USH2A: variants seen among roughly 807,000 people sequenced by gnomAD.
USH2A encodes Usher syndrome 2A (autosomal recessive, mild).
Under a neutral mutation model 538.9 loss-of-function variants are expected in USH2A, and 443 were observed. The observed-to-expected ratio is 0.82, with a 90% CI of 0.76 to 0.89. The LOEUF is 0.89. Ranked by LOEUF, USH2A falls within the 40% of genes least tolerant of loss-of-function variation. The pLI is 0.00. For missense variants in USH2A, 6,633 were observed against 6,324.8 expected, an observed-to-expected ratio of 1.05 and a Z score of -1.65; for synonymous variants, 2,413 against 2,273.5, an observed-to-expected ratio of 1.06 and a Z score of -1.75.
At chr1:216,189,806 G>A (rs2034679081) in intron 20 of USH2A, among the ~76,000 whole-genome samples, 1 of 151,902 alleles carries the variant, frequency 6.6e-6, no homozygotes, top group Admixed American at 6.6e-5. Flanking sequence ...GTATCCTAAC[G>A]TCCTCATAAG....
Position 215,799,120 on chromosome 1 carries a change from C to T in USH2A, c.9745G>A (p.Val3249Ile). ...GYYARILPGE[V>I]CCPDEQHNRV... ...TTGTGCTGTTCATCTGGACAGCATA[C>T]TTCACCTGTCAATTTAGGACAATAA... Residue 3249 changes from valine (V) to isoleucine (I), a missense_variant, in exon 50 of 72, where the codon GTA becomes ATA. By Grantham distance (29) the Val-to-Ile change is conservative. Transcript: ENST00000307340. The T allele has an allele frequency of 6.2e-7, 1 of 1,613,480 alleles. No homozygotes were observed. The highest frequency in any genetic ancestry group is 8.5e-7 in the Non-Finnish European group (1 of 1,179,736).
At chr1:215,630,910 T>A (rs1475528946) in intron 70 of USH2A, among the ~76,000 whole-genome samples, 2 of 151,472 alleles carry the variant, frequency 1.3e-5, no homozygotes, top group Non-Finnish European at 2.9e-5. Flanking sequence ...GATTAGTGTC[T>A]AAGGTAAGTA....
intron 49 of USH2A, among the ~76,000 whole-genome samples, chr1:215,803,708 C>G (rs1662407563): frequency 6.6e-6 from 1 of 152,080 alleles, no homozygotes; most frequent in South Asian, 2.1e-4. Flanking sequence ...GCCATACCGC[C>G]CAAGGTAATT....
intron 32 of USH2A, among the ~76,000 whole-genome samples, chr1:216,023,038 G>A (rs1668876094): frequency 6.6e-6 from 1 of 152,138 alleles, no homozygotes; most frequent in Non-Finnish European, 1.5e-5. Context: ...AATGCATGAG[G>A]ATTAGTTTGC....
intron 43 of USH2A, among the ~76,000 whole-genome samples, chr1:215,875,922 T>TAAA: frequency 6.9e-6 from 1 of 145,428 alleles, no homozygotes; most frequent in South Asian, 2.1e-4. Flanking sequence ...ATATAATATA[T>TAAA]ATTGATTATT....
chr1:215,718,399 G>T (rs1280797698), intron 61 of USH2A, among the ~76,000 whole-genome samples: 1 of 152,130 alleles, frequency 6.6e-6, no homozygotes, highest in Non-Finnish European at 1.5e-5. Context: ...GCTCACAATT[G>T]TTTGGCCCAA....
At chr1:216,157,307 T>C (rs1322009845) in intron 21 of USH2A, among the ~76,000 whole-genome samples, 1 of 152,138 alleles carries the variant, frequency 6.6e-6, no homozygotes, top group Non-Finnish European at 1.5e-5. Context: ...TGTTTATTAT[T>C]AAAAAGTCAA....
intron 32 of USH2A, among the ~76,000 whole-genome samples, chr1:216,031,215 A>T (rs926843594): frequency 6.6e-6 from 1 of 152,050 alleles, no homozygotes; most frequent in Non-Finnish European, 1.5e-5. Flanking sequence ...CAAAGACCCT[A>T]AAGCTTATCC....
chr1:215,735,771 A>G (rs1660139579), intron 60 of USH2A, among the ~76,000 whole-genome samples: 1 of 152,208 alleles, frequency 6.6e-6, no homozygotes, highest in African/African-American at 2.4e-5. Context: ...CTGTTATGCA[A>G]GCTGCTACTT....
At chr1:216,359,678 C>T (rs921268171) in intron 4 of USH2A, among the ~76,000 whole-genome samples, 3 of 151,962 alleles carry the variant, frequency 2.0e-5, no homozygotes, top group Non-Finnish European at 2.9e-5. Flanking sequence ...ATGGCATGTC[C>T]ATTATATACA....
At chr1:216,172,218 A>G (rs1266633076) in intron 21 of USH2A, among the ~76,000 whole-genome samples, 2 of 152,096 alleles carry the variant, frequency 1.3e-5, no homozygotes, top group East Asian at 3.9e-4. Flanking sequence ...TACAATAATG[A>G]GATATTTCTT....
intron 37 of USH2A, among the ~76,000 whole-genome samples, chr1:215,950,202 A>C (rs1459546517): frequency 6.6e-6 from 1 of 152,204 alleles, no homozygotes; most frequent in African/African-American, 2.4e-5. Flanking sequence ...ATGTGTTAAC[A>C]ATAAATATTC....
At chr1:216,413,098 T>C (rs530505963) in intron 3 of USH2A, among the ~76,000 whole-genome samples, 2 of 152,182 alleles carry the variant, frequency 1.3e-5, no homozygotes, top group East Asian at 3.9e-4. Flanking sequence ...AACCCAAAAC[T>C]ATTCAACTAA....
Position 215,989,787 on chromosome 1 carries a change from A to T in USH2A, c.6805+3233T>A, listed in dbSNP as rs75852663. On this transcript the variant is annotated intron_variant, in intron 35 of 71. Coordinates refer to ENST00000307340, the MANE Select transcript of USH2A (RefSeq NM_206933.4). ...AAGAGCAAGCAGAGAGATGGAGACCATGAGGAGAAATCAACTTGGATATGC... is the reference window on the plus strand; with the variant it reads ...AAGAGCAAGCAGAGAGATGGAGACCTTGAGGAGAAATCAACTTGGATATGC... Among the ~76,000 whole-genome samples, 519 of 152,122 alleles carry T rather than the reference A, an allele frequency of 3.4e-3. 3 individuals are homozygous for T. Among genetic ancestry groups the T allele is most frequent in the African/African-American group, 0.012 (483 of 41,514 alleles).
intron 11 of USH2A, among the ~76,000 whole-genome samples, chr1:216,251,982 C>A (rs1355537730): frequency 6.6e-6 from 1 of 152,094 alleles, no homozygotes; most frequent in Admixed American, 6.5e-5. Context: ...ATTTATGATT[C>A]ATTTCACCAC....
At chr1:216,151,054 C>T (rs893720857) in intron 21 of USH2A, among the ~76,000 whole-genome samples, 1 of 152,146 alleles carries the variant, frequency 6.6e-6, no homozygotes, top group Non-Finnish European at 1.5e-5. Flanking sequence ...TCCTCCCAGG[C>T]CCTCTTCTTG....
intron 49 of USH2A, among the ~76,000 whole-genome samples, chr1:215,812,291 C>G (rs1021968453): frequency 2.0e-5 from 3 of 152,028 alleles, no homozygotes; most frequent in Non-Finnish European, 2.9e-5. Context: ...CAGACAGACC[C>G]TAGGTTTTGA....
intron 21 of USH2A, among the ~76,000 whole-genome samples, chr1:216,156,297 T>TTTTC (rs1558288810): frequency 1.4e-4 from 3 of 20,788 alleles, no homozygotes; most frequent in South Asian, 2.3e-3. Context: ...TTTTTTTTCT[T>TTTTC]TTTTTTTTTT....
chr1:216,063,589 A>C (rs2031255117), intron 30 of USH2A, among the ~76,000 whole-genome samples: 1 of 152,234 alleles, frequency 6.6e-6, no homozygotes, highest in Non-Finnish European at 1.5e-5. Flanking sequence ...AAAAACAAGA[A>C]ATAATAAAAC....
Sources: allele counts gnomAD v4.1 joint callset (sites outside exome capture counted in the v4.1 genomes callset), GRCh38; gene constraint gnomAD v4.1.1; transcripts MANE v1.5; gene names NCBI Gene and HGNC (gene_info 2026-07-23, HGNC 2026-07-21).